Variants in RGS22 observed in about 807,000 individuals in gnomAD.
The protein encoded by RGS22 is regulator of G protein signaling 22, also known as regulator of G-protein signaling 22.
Under a neutral mutation model 172.9 loss-of-function variants are expected in RGS22, and 148 were observed. The observed-to-expected ratio is 0.86, with a 90% CI of 0.75 to 0.98. The LOEUF is 0.98. RGS22 is among the 50% of genes least tolerant of loss of function. RGS22 has a pLI of 0.00. For synonymous variants in RGS22, 458 were observed against 480.2 expected (o/e 0.95, Z 0.60); for missense variants, 1,347 against 1,440.8 (o/e 0.93, Z 1.05).
In RGS22 at chr8:99,974,478, G is replaced by GA. The variant is rs1393868607; in HGVS notation, c.3519+3438dup. On this transcript the variant is annotated intron_variant, in intron 23 of 27. Coordinates refer to ENST00000360863, the MANE Select transcript of RGS22 (RefSeq NM_015668.5). ...AATGCTTATGATACAATAGTAATGA[G>GA]AAAAAAAAGATTAAAACTGCATATA... Among the ~76,000 whole-genome samples the GA allele has an allele frequency of 3.9e-5, 6 of 151,970 alleles. No individual in the cohort carries two copies. The South Asian group carries it at 8.3e-4, about 21-fold the overall frequency.
intron 2 of RGS22, among the ~76,000 whole-genome samples, chr8:100,095,437 G>C (rs900129623): frequency 1.3e-5 from 2 of 152,122 alleles, no homozygotes; most frequent in Non-Finnish European, 2.9e-5. Context: ...GCCCGCCTCG[G>C]CCTCCTAAAG....
At chr8:100,017,337 C>T (rs1038465184) in intron 14 of RGS22, among the ~76,000 whole-genome samples, 1 of 152,038 alleles carries the variant, frequency 6.6e-6, no homozygotes, top group African/African-American at 2.4e-5. Flanking sequence ...TGAGGTCATC[C>T]AATCCATGGC....
At chr8:100,095,848 T>C (rs1330015910) in intron 2 of RGS22, among the ~76,000 whole-genome samples, 1 of 152,218 alleles carries the variant, frequency 6.6e-6, no homozygotes, top group Non-Finnish European at 1.5e-5. Context: ...TTTTATAAAA[T>C]TGTGCCTTAA....
rs1170172220 is a variant in RGS22, at chr8:99,975,134, A to G, written c.3519+2783T>C. Among the ~76,000 whole-genome samples the G allele has an allele frequency of 2.0e-5, 3 of 151,814 alleles. No homozygotes were observed. The East Asian group carries it at 5.8e-4, about 29-fold the overall frequency. On this transcript the variant is annotated intron_variant, in intron 23 of 27. Coordinates refer to ENST00000360863, the MANE Select transcript of RGS22 (RefSeq NM_015668.5). ...GCAGTCTAGCCTGGGCGACAGAGTG[A>G]GACTCCATCTCAAAAAAAAAAGCCC...
intron 14 of RGS22, among the ~76,000 whole-genome samples, chr8:100,013,457 A>C (rs1253879269): frequency 6.6e-6 from 1 of 152,098 alleles, no homozygotes; most frequent in Non-Finnish European, 1.5e-5. Context: ...TTCTGTTTTA[A>C]GATTTAGTGC....
intron 2 of RGS22, among the ~76,000 whole-genome samples, chr8:100,102,465 C>G (rs1813573283): frequency 6.6e-6 from 1 of 152,194 alleles, no homozygotes; most frequent in Non-Finnish European, 1.5e-5. Context: ...TACTTTCACA[C>G]TTTTGAAAAA....
Position 99,963,097 on chromosome 8 carries a change from A to C in RGS22, c.3616-119T>G, listed in dbSNP as rs139801934. 1,588 of 755,142 alleles carry C rather than the reference A, an allele frequency of 2.1e-3. 2 individuals carry two copies. The highest frequency in any genetic ancestry group is 2.9e-3 in the Non-Finnish European group (1,457 of 501,126). 46.8% of individuals were successfully genotyped at this position (755,142 alleles called of 1,614,324 possible). On this transcript the variant is annotated intron_variant, in intron 24 of 27. Transcript: ENST00000360863. Reference sequence around the variant, plus strand: ...TTTTTATTAAAGTATAACACACATAAAGAAAAGTGCACATCACAAGTTTAT... The same window carrying C: ...TTTTTATTAAAGTATAACACACATACAGAAAAGTGCACATCACAAGTTTAT...
At position 99,962,547 on chromosome 8, in the gene RGS22, C is replaced by A. The variant is rs966958858; in HGVS notation, c.3791-104G>T. 2.5e-5 allele frequency: 36 copies of A among 1,444,556 alleles called. No individual in the cohort carries two copies. In the African/African-American group the frequency reaches 4.6e-4, roughly 19 times the overall value. 89.5% of individuals were successfully genotyped at this position (1,444,556 alleles called of 1,614,324 possible). On this transcript the variant is annotated intron_variant, in intron 26 of 27. Transcript: ENST00000360863. ...CAGGACTCACACACACGGAGAAATT[C>A]TCCTAAGTTGGGGGGCAGAATAGGG...
rs1331424892 is a variant in RGS22, at chr8:99,963,946, CATT to C, written c.3616-971_3616-969del. ...CAACATGTATACTTTAAACAGAAAT[CATT>C]ATAAGCTACATTTATATTTATAAAA... On this transcript the variant is annotated intron_variant, in intron 24 of 27. Transcript: ENST00000360863. 6.6e-5 allele frequency among the ~76,000 whole-genome samples: 10 copies of C among 152,214 alleles called. No homozygotes were observed. The East Asian group carries it at 1.7e-3, about 26-fold the overall frequency.
intron 19 of RGS22, 41 bp downstream of exon 19, chr8:99,999,221 T>C: frequency 6.4e-7 from 1 of 1,563,730 alleles, no homozygotes; most frequent in Non-Finnish European, 8.7e-7. Context: ...TTTTCAGAGG[T>C]ACTGACAACT....
In RGS22 at chr8:100,016,755, C is replaced by T. The variant is rs765310138; in HGVS notation, c.2167-8186G>A. ...TTGGGCCACTGCATTCCAGCCTGGG[C>T]GACAGAGCAAGACTCCGTCTCAAAA... On this transcript the variant is annotated intron_variant, in intron 14 of 27. Coordinates refer to ENST00000360863, the MANE Select transcript of RGS22 (RefSeq NM_015668.5). Among the ~76,000 whole-genome samples, 23 of 151,790 alleles carry T rather than the reference C, an allele frequency of 1.5e-4. No individual in the cohort carries two copies. In the East Asian group the frequency reaches 1.7e-3, roughly 12 times the overall value.
chr8:100,035,679 T>C (rs1381959422), intron 14 of RGS22, among the ~76,000 whole-genome samples: 2 of 152,194 alleles, frequency 1.3e-5, no homozygotes, highest in Non-Finnish European at 2.9e-5. Flanking sequence ...TGTGGCACTA[T>C]TCACAATAGC....
At chr8:100,000,043 TG>T (rs1020224077) in intron 18 of RGS22, among the ~76,000 whole-genome samples, 5 of 152,188 alleles carry the variant, frequency 3.3e-5, no homozygotes, top group African/African-American at 1.2e-4. Flanking sequence ...AAAAAGGTCA[TG>T]TTTTATAGAT....
At chr8:100,066,056 A>C in intron 7 of RGS22, 111 bp downstream of exon 7, 1 of 920,064 alleles carries the variant, frequency 1.1e-6, no homozygotes, top group Non-Finnish European at 1.6e-6. Context: ...GGCAAAGCGT[A>C]TGTGGATAAT....
At chr8:100,082,151 C>A (rs963607848) in intron 3 of RGS22, among the ~76,000 whole-genome samples, 1 of 152,068 alleles carries the variant, frequency 6.6e-6, no homozygotes, top group Non-Finnish European at 1.5e-5. Flanking sequence ...GCAGAAATAA[C>A]GAAGATGATA....
intron 10 of RGS22, among the ~76,000 whole-genome samples, chr8:100,052,332 C>T (rs1262659064): frequency 7.6e-5 from 11 of 144,904 alleles, no homozygotes; most frequent in South Asian, 2.2e-4. Context: ...GACAGAGTCT[C>T]GCTCTGTCCC....
intron 11 of RGS22, among the ~76,000 whole-genome samples, chr8:100,047,044 A>T (rs1820798482): frequency 6.6e-6 from 1 of 152,088 alleles, no homozygotes; most frequent in Non-Finnish European, 1.5e-5. Flanking sequence ...TCAAGCTCCT[A>T]GGCTCAAGCA....
chr8:99,973,586 C>T (rs533576644), intron 23 of RGS22, among the ~76,000 whole-genome samples: 172 of 152,028 alleles, frequency 1.1e-3, no homozygotes, highest in African/African-American at 4.0e-3. Context: ...ACCTAGATGA[C>T]GTGGCCAGGC....
intron 10 of RGS22, among the ~76,000 whole-genome samples, chr8:100,049,483 A>G (rs112405799): frequency 2.0e-5 from 3 of 152,304 alleles, no homozygotes; most frequent in African/African-American, 7.2e-5. Context: ...TCAGGTTTAT[A>G]CCACTTTTTC....
Sources: allele counts gnomAD v4.1 joint callset (sites outside exome capture counted in the v4.1 genomes callset), GRCh38; gene constraint gnomAD v4.1.1; transcripts MANE v1.5; gene names NCBI Gene and HGNC (gene_info 2026-07-23, HGNC 2026-07-21).